Variants in TEK observed in about 807,000 individuals in gnomAD.
The protein encoded by TEK is angiopoietin-1 receptor.
TEK carries 43 observed loss-of-function variants against 131.8 expected under a neutral mutation model. That is an observed-to-expected ratio of 0.33 (90% confidence interval 0.26 to 0.42). TEK has a LOEUF of 0.42. TEK is among the 10% of genes least tolerant of loss of function. TEK has a pLI of 1.00. For missense variants in TEK, 1,162 were observed against 1,384.4 expected (o/e 0.84, Z 2.55); for synonymous variants, 580 against 491.6 (o/e 1.18, Z -2.38).
chr9:27,214,205 T>C (rs1421456634), intron 18 of TEK, among the ~76,000 whole-genome samples: 2 of 152,254 alleles, frequency 1.3e-5, no homozygotes, highest in Non-Finnish European at 2.9e-5. Context: ...TCATTCTGCT[T>C]TTGGTGCCCA....
Position 27,197,354 on chromosome 9 carries a change from G to A in TEK, c.1664G>A (p.Ser555Asn), listed in dbSNP as rs1379082172. 5 of 1,614,074 alleles carry A rather than the reference G, an allele frequency of 3.1e-6. No homozygotes were observed. The highest frequency in any genetic ancestry group is 3.4e-6 in the Non-Finnish European group (4 of 1,179,982). ...PPRGLNLLPK[S>N]QTTLNLTWQP... Reference sequence around the variant, plus strand: ...AGAGGTCTAAATCTCCTGCCTAAAAGTCAGACCACTCTAAATTTGACCTGG... The same window carrying A: ...AGAGGTCTAAATCTCCTGCCTAAAAATCAGACCACTCTAAATTTGACCTGG... The change falls in exon 12 of 23, where the codon AGT (serine) becomes AAT (asparagine). Residue 555 changes from serine (S) to asparagine (N), a missense_variant. Ser to Asn is a conservative substitution (Grantham distance 46, BLOSUM62 1). Transcript: ENST00000380036.
intron 1 of TEK, among the ~76,000 whole-genome samples, chr9:27,121,433 A>G (rs1174043469): frequency 6.6e-6 from 1 of 151,080 alleles, no homozygotes; most frequent in Non-Finnish European, 1.5e-5. Context: ...GATGATTTGT[A>G]TATATATTTC....
At chr9:27,115,300 A>G (rs1450678050) in intron 1 of TEK, among the ~76,000 whole-genome samples, 6 of 152,108 alleles carry the variant, frequency 3.9e-5, no homozygotes. Context: ...GGAGTTTCAG[A>G]TCAGCCTGGG....
intron 12 of TEK, among the ~76,000 whole-genome samples, chr9:27,200,639 A>G (rs1825181750): frequency 6.6e-6 from 1 of 152,226 alleles, no homozygotes; most frequent in African/African-American, 2.4e-5. Flanking sequence ...AGTAAAATTA[A>G]TACTTCCAGT....
intron 6 of TEK, among the ~76,000 whole-genome samples, chr9:27,175,246 T>A (rs1466987813): frequency 2.7e-4 from 40 of 150,880 alleles, no homozygotes; most frequent in African/African-American, 9.5e-4. Context: ...TGTTTGGTTT[T>A]TTGTCCTTGT....
intron 1 of TEK, among the ~76,000 whole-genome samples, chr9:27,132,055 G>A (rs913251054): frequency 1.3e-5 from 2 of 149,328 alleles, no homozygotes; most frequent in South Asian, 2.1e-4. Flanking sequence ...TATTATTTTT[G>A]TGGTTTTGGA....
intron 21 of TEK, among the ~76,000 whole-genome samples, chr9:27,220,834 C>T (rs1338635043): frequency 6.6e-6 from 1 of 152,212 alleles, no homozygotes; most frequent in Non-Finnish European, 1.5e-5. Flanking sequence ...CCATGGGTTG[C>T]AAGCACCAAA....
chr9:27,218,850 T>G (rs778547440), intron 20 of TEK, 33 bp downstream of exon 20: 8 of 1,609,592 alleles, frequency 5.0e-6, no homozygotes, highest in Non-Finnish European at 8.5e-7. Context: ...CAGGTGAGAC[T>G]CTAGGCAAAG....
At chr9:27,168,128 A>T (rs2131140211) in intron 2 of TEK, among the ~76,000 whole-genome samples, 1 of 152,318 alleles carries the variant, frequency 6.6e-6, no homozygotes, top group South Asian at 2.1e-4. Context: ...AAATATTTCA[A>T]AATGGAAAAA....
chr9:27,206,935 C>T (rs1191448479), intron 15 of TEK, 143 bp downstream of exon 15: 1 of 923,138 alleles, frequency 1.1e-6, no homozygotes, highest in Non-Finnish European at 1.7e-6. Flanking sequence ...GGTTATGCTT[C>T]CTTTGAAGTT....
At chr9:27,172,565 T>C (rs778941990) in intron 4 of TEK, 51 bp from the exon 5 acceptor site, 3 of 1,609,486 alleles carry the variant, frequency 1.9e-6, no homozygotes, top group South Asian at 1.1e-5. Flanking sequence ...AATAAAGATG[T>C]GTTGAGCGAA....
chr9:27,138,662 A>G (rs192385536), intron 1 of TEK, among the ~76,000 whole-genome samples: 1 of 152,358 alleles, frequency 6.6e-6, no homozygotes, highest in Admixed American at 6.5e-5. Context: ...CACTTGAATA[A>G]CACAAGTTTG....
intron 21 of TEK, among the ~76,000 whole-genome samples, chr9:27,227,452 A>C (rs1332881439): frequency 2.0e-5 from 3 of 152,234 alleles, no homozygotes; most frequent in Non-Finnish European, 4.4e-5. Flanking sequence ...CTGTAACAAC[A>C]TACCATAAAC....
At chr9:27,111,898 CT>C (rs34064691) in intron 1 of TEK, among the ~76,000 whole-genome samples, 74,318 of 111,410 alleles carry the variant, frequency 0.67, 23,838 homozygotes, top group East Asian at 0.89. Context: ...TGTCACTTGA[CT>C]TTTTTTTTTT....
chr9:27,143,059 C>A (rs1822786907), intron 1 of TEK, among the ~76,000 whole-genome samples: 1 of 152,146 alleles, frequency 6.6e-6, no homozygotes, highest in South Asian at 2.1e-4. Flanking sequence ...TAGGGAGGTA[C>A]CCAAAGGGAG....
chr9:27,121,965 C>T (rs554866317), intron 1 of TEK, among the ~76,000 whole-genome samples: 39 of 152,254 alleles, frequency 2.6e-4, no homozygotes, highest in African/African-American at 8.7e-4. Flanking sequence ...CTCAAAGCAC[C>T]GTCACGGATT....
chr9:27,164,594 C>T lies in TEK; in HGVS notation c.365-3901C>T, dbSNP rs1341015324. ...TTGGCCTCACAAAGTGCTGGGATTA[C>T]AGGCGTGAGCAACTACGCCTGGCCT... On this transcript the variant is annotated intron_variant, in intron 2 of 22. Transcript: ENST00000380036. Among the ~76,000 whole-genome samples the T allele has an allele frequency of 3.3e-5, 5 of 152,172 alleles. No homozygotes were observed. In the East Asian group the frequency reaches 5.8e-4, roughly 18 times the overall value.
chr9:27,168,568 A>G lies in TEK; in HGVS notation c.438A>G (p.Val146=). 6.2e-7 allele frequency: 1 copy of G among 1,613,818 alleles called. No individual in the cohort carries two copies. The highest frequency in any genetic ancestry group is 8.5e-7 in the Non-Finnish European group (1 of 1,179,794). Residue 146 remains valine, a synonymous_variant, in exon 3 of 23, where the codon GTA becomes GTG. Coordinates refer to ENST00000380036, the MANE Select transcript of TEK (RefSeq NM_000459.5). ...ACGTGAACATATCTTTCAAAAAGGTATTGATTAAAGAAGAAGATGCAGTGA... is the reference window on the plus strand; with the variant it reads ...ACGTGAACATATCTTTCAAAAAGGTGTTGATTAAAGAAGAAGATGCAGTGA... ...GDNVNISFKK[V]LIKEEDAVIY...
chr9:27,185,711 C>A, intron 9 of TEK, 82 bp downstream of exon 9: 2 of 1,557,038 alleles, frequency 1.3e-6, no homozygotes, highest in East Asian at 4.6e-5. Context: ...GAAATGTATG[C>A]GACCACTAAA....
Sources: allele counts gnomAD v4.1 joint callset (sites outside exome capture counted in the v4.1 genomes callset), GRCh38; gene constraint gnomAD v4.1.1; transcripts MANE v1.5; gene names NCBI Gene and HGNC (gene_info 2026-07-23, HGNC 2026-07-21).